KCNQ1OT1: variants seen among roughly 807,000 people sequenced by gnomAD.
KCNQ1OT1 encodes KCNQ1 antisense RNA 2 (non-protein coding).
In KCNQ1OT1 at chr11:2,683,327, C is replaced by T. The variant is rs1239883399; in HGVS notation, n.16668G>A. 3 of 398,488 alleles carry T rather than the reference C, an allele frequency of 7.5e-6. No individual in the cohort carries two copies. The highest frequency in any genetic ancestry group is 1.3e-5 in the Non-Finnish European group (3 of 226,070). The allele number at this position is 398,488 out of a possible 1,614,324, so 24.7% of individuals were successfully genotyped here. On this transcript the variant is annotated non_coding_transcript_exon_variant, in exon 1 of 1. Coordinates refer to ENST00000597346, the Ensembl canonical transcript of KCNQ1OT1. This position sits in a 1 kb window ranked among gnomAD's most constrained non-coding sequence, Gnocchi z 4.7. ...CAGACACATAGAGGCCAGGTTTCCC[C>T]CGCTCAACACTAGGCCACTGTGCCT...
exon 1 of KCNQ1OT1, chr11:2,616,783 T>A (rs1307529154): frequency 2.5e-6 from 1 of 398,180 alleles, no homozygotes; most frequent in Non-Finnish European, 4.4e-6. Flanking sequence ...TAAAATTTAT[T>A]GAGACTCTTT....
chr11:2,693,620 G>A (rs1850625121), exon 1 of KCNQ1OT1: 6 of 398,606 alleles, frequency 1.5e-5, no homozygotes, highest in Middle Eastern at 6.3e-4. Flanking sequence ...CAAGAGCTTC[G>A]CCCAGCCGTA....
chr11:2,656,563 A>G (rs1013869260), exon 1 of KCNQ1OT1: 6 of 398,530 alleles, frequency 1.5e-5, no homozygotes, highest in African/African-American at 2.1e-5. Context: ...CATGCTCATC[A>G]GCCTTTTGGA....
chr11:2,631,546 A>G (rs1849353229), exon 1 of KCNQ1OT1: 1 of 397,954 alleles, frequency 2.5e-6, no homozygotes, highest in Non-Finnish European at 4.4e-6. Context: ...AGTCGTTTTT[A>G]ATTTTCTGTA....
At chr11:2,675,480 A>C (rs1850277447) in exon 1 of KCNQ1OT1, 2 of 398,698 alleles carry the variant, frequency 5.0e-6, no homozygotes, top group South Asian at 2.5e-4. Context: ...TAAAAACGTA[A>C]ATATTTCATG....
Position 2,612,423 on chromosome 11 carries a change from C to G in KCNQ1OT1, n.87572G>C. 2.5e-6 allele frequency: 1 copy of G among 398,602 alleles called. No homozygotes were observed. The highest frequency in any genetic ancestry group is 4.4e-6 in the Non-Finnish European group (1 of 226,068). The allele number at this position is 398,602 out of a possible 1,614,324, so 24.7% of individuals were successfully genotyped here. ...TTATGGTATCCAATGGGTATCTCTT[C>G]ATTTTTCTTCATTATTTTTCTTTCT... On this transcript the variant is annotated non_coding_transcript_exon_variant, in exon 1 of 1. Transcript: ENST00000597346. This position sits in a 1 kb window ranked among gnomAD's most constrained non-coding sequence, Gnocchi z 5.5.
At chr11:2,631,214 G>C in exon 1 of KCNQ1OT1, 1 of 398,440 alleles carries the variant, frequency 2.5e-6, no homozygotes, top group Non-Finnish European at 4.4e-6. Context: ...TATAAATCCT[G>C]TGTGAACATT....
exon 1 of KCNQ1OT1, chr11:2,629,080 T>G: frequency 5.0e-6 from 2 of 398,282 alleles, no homozygotes. Flanking sequence ...TAAGGTCTTT[T>G]GTAGTTTCTT....
Position 2,645,358 on chromosome 11 carries a change from G to A in KCNQ1OT1, n.54637C>T, listed in dbSNP as rs182664813. ...ATCCCTAGGCCCAGAGATGGTATGCGCTGGCACTGGGAGAAAAGAGGGTGG... is the reference window on the plus strand; with the variant it reads ...ATCCCTAGGCCCAGAGATGGTATGCACTGGCACTGGGAGAAAAGAGGGTGG... On this transcript the variant is annotated non_coding_transcript_exon_variant, in exon 1 of 1. Transcript: ENST00000597346. This position sits in a 1 kb window ranked among gnomAD's most constrained non-coding sequence, Gnocchi z 5.8. 38 of 398,752 alleles carry A rather than the reference G, an allele frequency of 9.5e-5. 1 individual carries two copies. In the Middle Eastern group the frequency reaches 2.5e-3, roughly 26 times the overall value. The allele number at this position is 398,752 out of a possible 1,614,324, so 24.7% of individuals were successfully genotyped here. A position where few individuals can be genotyped will look rare whatever the true frequency, so the allele number is the denominator to read the frequency against.
At chr11:2,667,827 T>C in exon 1 of KCNQ1OT1, 1 of 398,648 alleles carries the variant, frequency 2.5e-6, no homozygotes, top group Admixed American at 4.4e-5. Flanking sequence ...GGTGGTGGTG[T>C]TAAACTTTTA....
Position 2,683,490 on chromosome 11 carries a change from A to G in KCNQ1OT1, n.16505T>C. ...TCAATGACAGTTTTCCTATTAAAAC[A>G]TAACTTGTTAAAGCATAGAGCTTAG... On this transcript the variant is annotated non_coding_transcript_exon_variant, in exon 1 of 1. Coordinates refer to ENST00000597346, the Ensembl canonical transcript of KCNQ1OT1. This position sits in a 1 kb window ranked among gnomAD's most constrained non-coding sequence, Gnocchi z 4.7. 1 of 398,640 alleles carries G rather than the reference A, an allele frequency of 2.5e-6. No individual in the cohort carries two copies. The highest frequency in any genetic ancestry group is 4.4e-5 in the Admixed American group (1 of 22,742). 24.7% of individuals were successfully genotyped at this position (398,640 alleles called of 1,614,324 possible). A position where few individuals can be genotyped will look rare whatever the true frequency, so the allele number is the denominator to read the frequency against.
At chr11:2,646,620 G>A (rs1422236033) in exon 1 of KCNQ1OT1, 2 of 398,636 alleles carry the variant, frequency 5.0e-6, no homozygotes, top group Non-Finnish European at 8.8e-6. Flanking sequence ...TCACCTCCGA[G>A]GTTCAAGTGA....
At chr11:2,629,809 C>A in exon 1 of KCNQ1OT1, 1 of 397,934 alleles carries the variant, frequency 2.5e-6, no homozygotes, top group Non-Finnish European at 4.4e-6. Context: ...ATTATTACTT[C>A]TAACAGGTTT....
Position 2,668,956 on chromosome 11 carries a change from G to T in KCNQ1OT1, n.31039C>A, listed in dbSNP as rs1850132657. ...CCCATGTAGATCTGCACTCCATCTG[G>T]GATTGATTTTTGTGTCCAATGTGAG... On this transcript the variant is annotated non_coding_transcript_exon_variant, in exon 1 of 1. Coordinates refer to ENST00000597346, the Ensembl canonical transcript of KCNQ1OT1. The surrounding 1 kb of genome is among the most constrained non-coding windows in gnomAD (Gnocchi z 4.3). The T allele has an allele frequency of 7.5e-6, 3 of 397,582 alleles. No individual in the cohort carries two copies. Among genetic ancestry groups the T allele is most frequent in the Non-Finnish European group, 1.3e-5 (3 of 225,796 alleles). The allele number at this position is 397,582 out of a possible 1,614,324, so 24.6% of individuals were successfully genotyped here.
rs1202660249 is a variant in KCNQ1OT1, at chr11:2,642,956, TTATA to T, written n.57035_57038del. The T allele has an allele frequency of 5.0e-6, 2 of 397,872 alleles. No homozygotes were observed. The highest frequency in any genetic ancestry group is 4.1e-5 in the African/African-American group (2 of 48,616). The allele number at this position is 397,872 out of a possible 1,614,324, so 24.6% of individuals were successfully genotyped here. Reference sequence around the variant, plus strand: ...CAGGAACATGTTAATTTCCATTTATTTATACAGTTTTGAATGCTCCTCTTATTTA... The same window carrying T: ...CAGGAACATGTTAATTTCCATTTATTCAGTTTTGAATGCTCCTCTTATTTA... On this transcript the variant is annotated non_coding_transcript_exon_variant, in exon 1 of 1. Transcript: ENST00000597346. The surrounding 1 kb of genome is among the most constrained non-coding windows in gnomAD (Gnocchi z 4.3).
chr11:2,699,395 C>G (rs1452159379), exon 1 of KCNQ1OT1: 3 of 402,590 alleles, frequency 7.5e-6, no homozygotes, highest in Non-Finnish European at 8.7e-6. Context: ...TGTTCAAACC[C>G]TCCCAGAGAG....
chr11:2,690,498 G>A lies in KCNQ1OT1; in HGVS notation n.9497C>T, dbSNP rs978137125. ...GAACAGCCACTGGGCCCAGTCGGGG[G>A]GGTCTCAGCACCTATCACAAAGAAA... On this transcript the variant is annotated non_coding_transcript_exon_variant, in exon 1 of 1. Coordinates refer to ENST00000597346, the Ensembl canonical transcript of KCNQ1OT1. The surrounding 1 kb of genome is among the most constrained non-coding windows in gnomAD (Gnocchi z 5.1). The A allele has an allele frequency of 1.5e-5, 6 of 398,496 alleles. No homozygotes were observed. The highest frequency in any genetic ancestry group is 1.2e-4 in the African/African-American group (6 of 48,616). The allele number at this position is 398,496 out of a possible 1,614,324, so 24.7% of individuals were successfully genotyped here.
chr11:2,646,662 C>A (rs955278530), exon 1 of KCNQ1OT1: 1 of 398,568 alleles, frequency 2.5e-6, no homozygotes, highest in East Asian at 3.6e-5. Flanking sequence ...AGTAGCTGAA[C>A]TTCAGGTGCA....
At chr11:2,655,417 C>T (rs1195040987) in exon 1 of KCNQ1OT1, 1 of 398,556 alleles carries the variant, frequency 2.5e-6, no homozygotes, top group Non-Finnish European at 4.4e-6. Context: ...CTCTTTGTCC[C>T]CAGGGCCAGC....
Sources: allele counts gnomAD v4.1 joint callset, GRCh38; gene constraint gnomAD v4.1.1; non-coding constraint Gnocchi (gnomAD v3.1); transcripts MANE v1.5; gene names NCBI Gene and HGNC (gene_info 2026-07-23, HGNC 2026-07-21).